Variants in RBFOX1 observed in about 807,000 individuals in gnomAD.
RBFOX1 encodes RNA binding protein fox-1 homolog 1.
A neutral mutation model predicts 57.7 loss-of-function variants in RBFOX1; 8 were observed. The observed-to-expected ratio is 0.14, with a 90% CI of 0.08 to 0.25. The LOEUF is 0.25. Ranked by LOEUF, RBFOX1 falls within the 10% of genes least tolerant of loss-of-function variation. The pLI, the probability that RBFOX1 is intolerant of heterozygous loss-of-function variation, is 1.00. For synonymous variants in RBFOX1, 326 were observed against 222.4 expected (o/e 1.47, Z -4.15); for missense variants, 611 against 548.5 (o/e 1.11, Z -1.14).
chr16:5,785,661 G>C (rs536723576), intron 3 of RBFOX1, among the ~76,000 whole-genome samples: 1 of 151,976 alleles, frequency 6.6e-6, no homozygotes, highest in Non-Finnish European at 1.5e-5. Context: ...CTGAGTAGCT[G>C]GGATTACAGG....
intron 4 of RBFOX1, among the ~76,000 whole-genome samples, chr16:7,348,567 A>C (rs1455563488): frequency 2.0e-5 from 3 of 152,230 alleles, no homozygotes; most frequent in Non-Finnish European, 2.9e-5. Context: ...ATCACCAAAG[A>C]AATGACATTA....
At chr16:6,518,800 T>TGTCC (rs1470784805) in intron 2 of RBFOX1, among the ~76,000 whole-genome samples, 2 of 68,080 alleles carry the variant, frequency 2.9e-5, no homozygotes, top group Non-Finnish European at 6.0e-5. Flanking sequence ...TGTGTCTGTC[T>TGTCC]ATCTATCTAT....
chr16:5,349,036 A>T (rs997511363), intron 1 of RBFOX1, among the ~76,000 whole-genome samples: 2 of 152,158 alleles, frequency 1.3e-5, no homozygotes, highest in Non-Finnish European at 2.9e-5. Flanking sequence ...ATCCCATCCA[A>T]AATGTGCAGG....
rs115878298 is a variant in RBFOX1 at position 5,788,766 on chromosome 16, C to T, written c.319-78537C>T. Among the ~76,000 whole-genome samples the T allele has an allele frequency of 7.2e-4, 109 of 152,178 alleles. 1 individual carries two copies. Among genetic ancestry groups the T allele is most frequent in the African/African-American group, 2.5e-3 (105 of 41,544 alleles). On this transcript the variant is annotated intron_variant, in intron 3 of 19. Transcript: ENST00000641259. Reference sequence around the variant, plus strand: ...ACATTCACACACACACACAGCATCCCGAGAGTGACGTTGTCAGTGACAGGC... The same window carrying T: ...ACATTCACACACACACACAGCATCCTGAGAGTGACGTTGTCAGTGACAGGC...
intron 1 of RBFOX1, among the ~76,000 whole-genome samples, chr16:5,383,991 G>A (rs572806): frequency 0.55 from 82,830 of 151,916 alleles, 23,001 homozygotes; most frequent in African/African-American, 0.59. Context: ...TTCACTATCA[G>A]GAAGTCCCTT....
chr16:7,446,020 A>G (rs758265028), intron 4 of RBFOX1, among the ~76,000 whole-genome samples: 4 of 152,078 alleles, frequency 2.6e-5, no homozygotes, highest in Non-Finnish European at 4.4e-5. Flanking sequence ...CTGCCCAACA[A>G]TTTGTAGCAT....
chr16:5,730,465 G>C (rs1044834013), intron 3 of RBFOX1, among the ~76,000 whole-genome samples: 16 of 152,210 alleles, frequency 1.1e-4, no homozygotes, highest in African/African-American at 3.9e-4. Flanking sequence ...CACTGGAGCT[G>C]TTAATCTATG....
intron 3 of RBFOX1, among the ~76,000 whole-genome samples, chr16:5,809,290 A>C (rs1408614077): frequency 6.6e-6 from 1 of 152,210 alleles, no homozygotes; most frequent in Non-Finnish European, 1.5e-5. Context: ...AAAACACCAA[A>C]AGCAATGGCA....
At position 5,774,989 on chromosome 16, in the gene RBFOX1, A is replaced by T. The variant is rs184038833; in HGVS notation, c.319-92314A>T. Among the ~76,000 whole-genome samples the T allele has an allele frequency of 1.8e-4, 27 of 152,270 alleles. No homozygotes were observed. The East Asian group carries it at 4.8e-3, about 27-fold the overall frequency. The stretch of plus-strand genomic sequence containing the variant: ...TGAGACATTGCACCCAGCTCAGAGG[A>T]TTTAAAATCAATTTTAAGAATGGCA... On this transcript the variant is annotated intron_variant, in intron 3 of 19. Transcript: ENST00000641259.
intron 4 of RBFOX1, among the ~76,000 whole-genome samples, chr16:7,377,043 T>C (rs1452415223): frequency 6.6e-6 from 1 of 152,226 alleles, no homozygotes; most frequent in East Asian, 1.9e-4. Context: ...TCTTCAAAAC[T>C]GATGGAAGGT....
chr16:7,118,596 A>T (rs533059745), intron 4 of RBFOX1, among the ~76,000 whole-genome samples: 1 of 152,320 alleles, frequency 6.6e-6, no homozygotes, highest in Non-Finnish European at 1.5e-5. Context: ...TAAACCTTAT[A>T]TAATCACATA....
chr16:7,141,060 A>G (rs1393633483), intron 4 of RBFOX1, among the ~76,000 whole-genome samples: 2 of 152,140 alleles, frequency 1.3e-5, no homozygotes, highest in African/African-American at 4.8e-5. Context: ...TCAGCAAACC[A>G]GGGAACCTCC....
intron 3 of RBFOX1, among the ~76,000 whole-genome samples, chr16:6,696,153 G>C (rs944794438): frequency 1.3e-5 from 2 of 152,140 alleles, no homozygotes; most frequent in African/African-American, 2.4e-5. Context: ...TGTTTTTGTA[G>C]AATGAGGAAT....
At chr16:6,842,578 G>T (rs1183440673) in intron 3 of RBFOX1, among the ~76,000 whole-genome samples, 1 of 150,152 alleles carries the variant, frequency 6.7e-6, no homozygotes, top group East Asian at 2.0e-4. Context: ...GTGTTCCATT[G>T]TATAGACATA....
intron 3 of RBFOX1, among the ~76,000 whole-genome samples, chr16:6,720,235 TGAATGTTCAA>T (rs111961369): frequency 6.8e-4 from 103 of 152,244 alleles, no homozygotes; most frequent in African/African-American, 2.5e-3. Flanking sequence ...GAAATACTGC[TGAATGTTCAA>T]GAAAAAAAAA....
Position 6,794,009 on chromosome 16 carries a change from T to C in RBFOX1, c.-16+139359T>C, listed in dbSNP as rs573317773. 1.7e-4 allele frequency among the ~76,000 whole-genome samples: 26 copies of C among 152,220 alleles called. 1 individual carries two copies. In the South Asian group the frequency reaches 4.8e-3, roughly 28 times the overall value. On this transcript the variant is annotated intron_variant, in intron 3 of 15. Coordinates refer to ENST00000550418, the MANE Select transcript of RBFOX1 (RefSeq NM_018723.4). ...TCAGTAACTCCACCGGATTGCTTTA[T>C]TGGTTAGGTAATGAAGCACGCTAGG...
At chr16:6,914,622 G>A (rs1332515855) in intron 3 of RBFOX1, among the ~76,000 whole-genome samples, 12 of 151,938 alleles carry the variant, frequency 7.9e-5, no homozygotes, top group South Asian at 2.1e-4. Flanking sequence ...GCCTCTAATC[G>A]CAGCACTTTG....
At chr16:7,662,004 A>G (rs979382084) in intron 12 of RBFOX1, among the ~76,000 whole-genome samples, 14 of 148,840 alleles carry the variant, frequency 9.4e-5, no homozygotes, top group South Asian at 8.6e-4. Flanking sequence ...AAAACTGGCC[A>G]TGGTGCATAA....
rs138282333 is a variant in RBFOX1, at chr16:5,282,300, T to C, written c.219+42195T>C. On this transcript the variant is annotated intron_variant, in intron 1 of 2. Coordinates refer to the RBFOX1 transcript ENST00000585867. Reference sequence around the variant, plus strand: ...TTTATCTTTTGTAAATTTCCCAGTCTTGAATGTGTCTTTATCAGCTGTGTG... The same window carrying C: ...TTTATCTTTTGTAAATTTCCCAGTCCTGAATGTGTCTTTATCAGCTGTGTG... 6.0e-3 allele frequency among the ~76,000 whole-genome samples: 915 copies of C among 152,336 alleles called. 6 individuals carry two copies. Among genetic ancestry groups the C allele is most frequent in the Non-Finnish European group, 0.01 (681 of 68,036 alleles).
Sources: gnomAD v4.1 joint callset for allele counts (sites outside exome capture counted in the v4.1 genomes callset) on GRCh38, gnomAD v4.1.1 for gene constraint, MANE v1.5 for transcripts, NCBI Gene and HGNC (gene_info 2026-07-23, HGNC 2026-07-21) for gene names.